The following PPP2R1B variants were observed in gnomAD, a reference collection of about 807,000 sequenced individuals.
PPP2R1B encodes the protein serine/threonine-protein phosphatase 2A 65 kDa regulatory subunit A beta isoform.
A neutral mutation model predicts 72.7 loss-of-function variants in PPP2R1B; 58 were observed. The observed-to-expected ratio is 0.80, with a 90% CI of 0.65 to 0.99. The LOEUF (loss-of-function observed/expected upper bound fraction) is 0.99. Among genes scored for constraint, PPP2R1B ranks in the 50% least tolerant of loss-of-function variants. The pLI is 0.00. For synonymous variants in PPP2R1B, 256 were observed against 264.6 expected (o/e 0.97, Z 0.32); for missense variants, 695 against 733.6 (o/e 0.95, Z 0.61).
chr11:111,739,726 A>C lies in PPP2R1B; in HGVS notation c.*1870T>G. On this transcript the variant is annotated 3_prime_UTR_variant, in exon 15 of 15. Coordinates refer to ENST00000527614, the MANE Select transcript of PPP2R1B (RefSeq NM_002716.5). ...CAAATGTCTCTCAAATATGAAATTC[A>C]ATGAAGAAGAACATAACTTGCAGGT... The C allele has an allele frequency of 9.1e-6, 9 of 984,154 alleles. No individual in the cohort carries two copies. In the South Asian group the frequency reaches 4.2e-4, roughly 46 times the overall value. 61.0% of individuals were successfully genotyped at this position (984,154 alleles called of 1,614,324 possible).
At chr11:111,752,469 AATAC>A in intron 9 of PPP2R1B, 137 bp from the exon 10 acceptor site, 1 of 791,048 alleles carries the variant, frequency 1.3e-6, no homozygotes, top group Non-Finnish European at 1.9e-6. Flanking sequence ...AATAATAGTG[AATAC>A]ATAAATAACT....
At position 111,743,627 on chromosome 11, in the gene PPP2R1B, A is replaced by G. The variant is rs558126477; in HGVS notation, c.1400-97T>C. 1.1e-4 allele frequency: 151 copies of G among 1,400,632 alleles called. No individual in the cohort carries two copies. The Middle Eastern group carries it at 1.1e-3, about 10-fold the overall frequency. 86.8% of individuals were successfully genotyped at this position (1,400,632 alleles called of 1,614,324 possible). ...GAAAATCAAATGTGGACCAAAAGCA[A>G]AACCCCTCTGCAATCAGACTCCACA... On this transcript the variant is annotated intron_variant, in intron 11 of 14. Coordinates refer to ENST00000527614, the MANE Select transcript of PPP2R1B (RefSeq NM_002716.5).
At chr11:111,748,036 T>C (rs1555046814) in intron 10 of PPP2R1B, 22 bp from the exon 11 acceptor site, 3 of 1,600,342 alleles carry the variant, frequency 1.9e-6, no homozygotes, top group Admixed American at 3.4e-5. Flanking sequence ...GAAGATTCCA[T>C]TAACATACAT....
chr11:111,760,013 TACAC>T, intron 4 of PPP2R1B, 62 bp from the exon 5 acceptor site: 1 of 1,525,320 alleles, frequency 6.6e-7, no homozygotes, highest in Non-Finnish European at 9.0e-7. Flanking sequence ...CTGCCCCCCA[TACAC>T]ACAGACAGAC....
At chr11:111,743,820 C>T (rs542115002) in intron 11 of PPP2R1B, among the ~76,000 whole-genome samples, 23 of 152,330 alleles carry the variant, frequency 1.5e-4, no homozygotes, top group African/African-American at 5.3e-4. Context: ...CTTTCCCTCA[C>T]AAGAAATATG....
intron 5 of PPP2R1B, among the ~76,000 whole-genome samples, chr11:111,757,237 G>A (rs560378860): frequency 4.6e-5 from 7 of 152,230 alleles, no homozygotes; most frequent in Non-Finnish European, 1.0e-4. Flanking sequence ...GCACCCAGGA[G>A]AAATAGGTAA....
chr11:111,705,225 G>GA, the PPP2R1B span: 2 of 1,349,368 alleles, frequency 1.5e-6, no homozygotes, highest in Non-Finnish European at 1.9e-6. The surrounding 1 kb of genome is among the most constrained non-coding windows in gnomAD (Gnocchi z 4.3). Context: ...ACAGGGTTAG[G>GA]ATTTCATCCT....
At chr11:111,752,404 T>A in intron 9 of PPP2R1B, 72 bp from the exon 10 acceptor site, 1 of 1,436,040 alleles carries the variant, frequency 7.0e-7, no homozygotes, top group Non-Finnish European at 9.3e-7. Context: ...CCTGTCAGGG[T>A]AAGATAAAAG....
chr11:111,730,684 AT>A (rs1282849365), intron 15 of PPP2R1B: 1 of 152,160 alleles, frequency 6.6e-6, no homozygotes, highest in Non-Finnish European at 1.5e-5. Context: ...GAAAAAAAAA[AT>A]CAAAAGTATA....
At chr11:111,758,070 T>G (rs1945189152) in intron 5 of PPP2R1B, among the ~76,000 whole-genome samples, 1 of 152,216 alleles carries the variant, frequency 6.6e-6, no homozygotes, top group Non-Finnish European at 1.5e-5. Flanking sequence ...ACTACCACCC[T>G]ATTAACAACA....
chr11:111,692,387 A>C, the PPP2R1B span, among the ~76,000 whole-genome samples: 175 of 113,468 alleles, frequency 1.5e-3, no homozygotes, highest in South Asian at 2.1e-3. Context: ...AAAAAAAAAA[A>C]ACACAAAAAG....
the PPP2R1B span, chr11:111,720,978 G>T: frequency 6.2e-7 from 1 of 1,614,184 alleles, no homozygotes; most frequent in East Asian, 2.2e-5. Flanking sequence ...TGCAGTTGTT[G>T]TATGAACAAA....
the PPP2R1B span, among the ~76,000 whole-genome samples, chr11:111,704,433 G>A: frequency 1.3e-5 from 2 of 152,166 alleles, no homozygotes; most frequent in Non-Finnish European, 1.5e-5. Context: ...TTAAGAGGGT[G>A]GGACTGCAAA....
chr11:111,713,864 G>T, the PPP2R1B span, among the ~76,000 whole-genome samples: 1 of 152,190 alleles, frequency 6.6e-6, no homozygotes, highest in African/African-American at 2.4e-5. Context: ...CTACTCGGGA[G>T]GCTGAGGCAA....
At chr11:111,692,577 C>T in the PPP2R1B span, among the ~76,000 whole-genome samples, 1 of 151,906 alleles carries the variant, frequency 6.6e-6, no homozygotes. Context: ...AGATCATTCA[C>T]GTGCTATAAA....
chr11:111,743,383 C>T lies in PPP2R1B; in HGVS notation c.1547G>A (p.Cys516Tyr), dbSNP rs758785850. 1.0e-5 allele frequency: 16 copies of T among 1,605,428 alleles called. No homozygotes were observed. Among genetic ancestry groups the T allele is most frequent in the Non-Finnish European group, 1.4e-5 (16 of 1,174,956 alleles). The change falls in exon 12 of 15, where the codon TGC (cysteine) becomes TAC (tyrosine). Residue 516 changes from cysteine to tyrosine, a missense_variant. Transcript: ENST00000527614. ...CAGTTATGTTATACTTACATTAATG[C>T]AGAATAAAGTGGTCATTCTATGCAA... The part of the protein sequence containing the change: ...NYLHRMTTLF[C>Y]INALSEACGQ...
rs3216101 is a variant in PPP2R1B, at chr11:111,739,347, T to TA, written c.*2248dup. On this transcript the variant is annotated 3_prime_UTR_variant, in exon 15 of 15. Coordinates refer to ENST00000527614, the MANE Select transcript of PPP2R1B (RefSeq NM_002716.5). ...ACTTTTCCCTTAAGTTTAAGGTAGT[T>TA]AAAAAAAAAAATAGGAGAACTAATT... 239,315 of 919,610 alleles carry TA rather than the reference T, an allele frequency of 0.26. 12,273 individuals carry two copies. Among genetic ancestry groups the TA allele is most frequent in the Middle Eastern group, 0.29 (521 of 1,796 alleles). 57.0% of individuals were successfully genotyped at this position (919,610 alleles called of 1,614,324 possible).
chr11:111,724,088 G>A (rs1049178372), downstream of PPP2R1B: 5 of 1,613,008 alleles, frequency 3.1e-6, no homozygotes, highest in Non-Finnish European at 4.2e-6. Context: ...AATGCTAGAC[G>A]CTGTGGATCC....
In PPP2R1B at chr11:111,741,461, A is replaced by G; in HGVS notation, c.*135T>C. 3 of 1,479,196 alleles carry G rather than the reference A, an allele frequency of 2.0e-6. No homozygotes were observed. In the South Asian group the frequency reaches 4.4e-5, roughly 22 times the overall value. The allele number at this position is 1,479,196 out of a possible 1,614,324, so 91.6% of individuals were successfully genotyped here. On this transcript the variant is annotated 3_prime_UTR_variant, in exon 15 of 15. Coordinates refer to ENST00000527614, the MANE Select transcript of PPP2R1B (RefSeq NM_002716.5). Reference sequence around the variant, plus strand: ...TTAGAAAGAATTAAGTCACTAAATGATTTCTTCTAAGTTGTTGCCATTTGC... The same window carrying G: ...TTAGAAAGAATTAAGTCACTAAATGGTTTCTTCTAAGTTGTTGCCATTTGC...
Sources: allele counts gnomAD v4.1 joint callset (sites outside exome capture counted in the v4.1 genomes callset), GRCh38; gene constraint gnomAD v4.1.1; non-coding constraint Gnocchi (gnomAD v3.1); transcripts MANE v1.5; gene names NCBI Gene and HGNC (gene_info 2026-07-23, HGNC 2026-07-21).